MAGED1: variants seen among roughly 807,000 people sequenced by gnomAD.
MAGED1 encodes the protein melanoma-associated antigen D1.
MAGED1 carries 3 observed loss-of-function variants against 54.1 expected under a neutral mutation model. That is an observed-to-expected ratio of 0.06 (90% CI 0.03 to 0.14). The LOEUF is 0.14. Among genes scored for constraint, MAGED1 ranks in the 10% least tolerant of loss-of-function variants. The probability of loss-of-function intolerance (pLI) is 1.00; values close to 1 mark genes in which losing one functional copy is unlikely to be tolerated. For missense variants in MAGED1, 485 were observed against 623.4 expected, an observed-to-expected ratio of 0.78 and a Z score of 2.36; for synonymous variants, 217 against 227.3, an observed-to-expected ratio of 0.95 and a Z score of 0.41.
At chrX:51,895,031 T>A (rs781868631) in intron 2 of MAGED1, 22 bp from the exon 3 acceptor site, 3 of 1,161,545 alleles carry the variant, frequency 2.6e-6, no homozygotes, top group Admixed American at 2.4e-5. Flanking sequence ...GAGATTTAAT[T>A]TTTTCCCCCC....
intron 1 of MAGED1, among the ~76,000 whole-genome samples, chrX:51,830,920 G>C (rs1435328503): frequency 8.9e-6 from 1 of 112,190 alleles, no homozygotes. Context: ...GGAGTGCAGT[G>C]GCACGATCTC....
In MAGED1 at chrX:51,866,999, C is replaced by T. The variant is rs144776998; in HGVS notation, c.-36-27270C>T. ...CTGTGAGGGATCAATAAATAACATT[C>T]ATCTTTCCTGACTAGGTTCAGAACC... On this transcript the variant is annotated intron_variant, in intron 1 of 12. Coordinates refer to the MAGED1 transcript ENST00000375772. 7.5e-3 allele frequency among the ~76,000 whole-genome samples: 840 copies of T among 111,940 alleles called. 9 individuals are homozygous for T. Among genetic ancestry groups the T allele is most frequent in the African/African-American group, 0.025 (771 of 30,819 alleles).
At chrX:51,806,251 C>T (rs112581709) in intron 1 of MAGED1, among the ~76,000 whole-genome samples, 27 of 111,065 alleles carry the variant, frequency 2.4e-4, no homozygotes, top group South Asian at 3.9e-4. Flanking sequence ...GGATTACAGG[C>T]GTGAGCCACC....
chrX:51,839,221 C>A (rs1162905859), intron 1 of MAGED1, among the ~76,000 whole-genome samples: 1 of 111,796 alleles, frequency 8.9e-6, no homozygotes, highest in South Asian at 3.8e-4. Context: ...CTTATACTCT[C>A]AATACTTAAA....
At position 51,901,873 on chromosome X, in the gene MAGED1, A is replaced by T; in HGVS notation, c.2280A>T (p.Thr760=). 5.8e-6 allele frequency: 7 copies of T among 1,210,436 alleles called. No homozygotes were observed. Among genetic ancestry groups the T allele is most frequent in the Non-Finnish European group, 7.8e-6 (7 of 895,017 alleles). ...GTCCCATTATTGGTCCTGGTGGTACAGCCAGTGCCAACTTCGCTGCCAACT... is the reference window on the plus strand; with the variant it reads ...GTCCCATTATTGGTCCTGGTGGTACTGCCAGTGCCAACTTCGCTGCCAACT... ...FAGPIIGPGG[T]ASANFAANFG... Residue 760 remains threonine, a synonymous_variant, in exon 12 of 13, where the codon ACA becomes ACT. Coordinates refer to ENST00000326587, the MANE Select transcript of MAGED1 (RefSeq NM_006986.4).
intron 1 of MAGED1, among the ~76,000 whole-genome samples, chrX:51,852,541 A>T (rs1169781995): frequency 8.9e-6 from 1 of 112,280 alleles, no homozygotes; most frequent in Non-Finnish European, 1.9e-5. Flanking sequence ...CTTTATTTAG[A>T]CAATACTTCC....
chrX:51,900,335 A>G (rs1928960226), intron 11 of MAGED1, 39 bp downstream of exon 11: 1 of 1,086,662 alleles, frequency 9.2e-7, no homozygotes, highest in African/African-American at 1.8e-5. Context: ...AGGTCAAGGG[A>G]TGAAGTATAG....
chrX:51,816,093 C>G (rs1349609894), intron 1 of MAGED1, among the ~76,000 whole-genome samples: 3 of 109,259 alleles, frequency 2.7e-5, no homozygotes, highest in African/African-American at 1.0e-4. Flanking sequence ...GGTAAGTGCC[C>G]AGTACAAGTG....
intron 1 of MAGED1, among the ~76,000 whole-genome samples, chrX:51,809,579 C>A (rs1251016253): frequency 8.9e-5 from 10 of 111,860 alleles, no homozygotes; most frequent in African/African-American, 3.2e-4. Flanking sequence ...GAGCTAGAGG[C>A]TTGATTAGAT....
intron 1 of MAGED1, among the ~76,000 whole-genome samples, chrX:51,852,823 A>C (rs1227376158): frequency 8.9e-6 from 1 of 111,972 alleles, no homozygotes; most frequent in East Asian, 2.8e-4. Flanking sequence ...TAGGCTCTGG[A>C]ATTTCTTAGC....
chrX:51,845,487 G>A (rs868972602), intron 1 of MAGED1, among the ~76,000 whole-genome samples: 1 of 111,131 alleles, frequency 9.0e-6, no homozygotes, highest in Non-Finnish European at 1.9e-5. Context: ...ATTTTGGATG[G>A]GAATGCCTGT....
intron 1 of MAGED1, among the ~76,000 whole-genome samples, chrX:51,816,207 A>G (rs1408400717): frequency 9.2e-6 from 1 of 109,086 alleles, no homozygotes; most frequent in African/African-American, 3.4e-5. Flanking sequence ...TCCTCCTCCC[A>G]GGTTCAAGTG....
intron 1 of MAGED1, among the ~76,000 whole-genome samples, chrX:51,807,666 C>T: frequency 9.0e-6 from 1 of 111,433 alleles, no homozygotes; most frequent in Non-Finnish European, 1.9e-5. Flanking sequence ...AACCCCAAAC[C>T]ACTTATTGAA....
chrX:51,846,071 C>T (rs191311578), intron 1 of MAGED1, among the ~76,000 whole-genome samples: 2 of 111,809 alleles, frequency 1.8e-5, no homozygotes, highest in East Asian at 2.8e-4. Flanking sequence ...CCACCGTGCC[C>T]GGCCCGATGT....
intron 1 of MAGED1, among the ~76,000 whole-genome samples, chrX:51,879,529 G>C (rs182430267): frequency 5.8e-4 from 65 of 111,329 alleles, no homozygotes; most frequent in East Asian, 1.7e-3. Context: ...GATGAAAGCT[G>C]CTAGAATTAT....
intron 1 of MAGED1, among the ~76,000 whole-genome samples, chrX:51,881,900 CCTT>C: frequency 9.0e-6 from 1 of 110,796 alleles, no homozygotes; most frequent in South Asian, 3.9e-4. Flanking sequence ...TCCTACTTGA[CCTT>C]CTTTCTCATT....
chrX:51,899,746 T>C lies in MAGED1; in HGVS notation c.1845-436T>C, dbSNP rs782208616. On this transcript the variant is annotated intron_variant, in intron 10 of 12. Transcript: ENST00000326587. ...TGTGAGCCACCACACCCGGCCAGAA[T>C]TTTTCTAATTTTTCTACTTTTCTAA... 2.2e-5 allele frequency: 3 copies of C among 134,032 alleles called. No homozygotes were observed. The South Asian group carries it at 6.9e-4, about 31-fold the overall frequency. 11.0% of individuals were successfully genotyped at this position (134,032 alleles called of 1,213,427 possible). A position where few individuals can be genotyped will look rare whatever the true frequency, so the allele number is the denominator to read the frequency against.
intron 1 of MAGED1, among the ~76,000 whole-genome samples, chrX:51,850,151 C>G (rs1926832254): frequency 9.0e-6 from 1 of 110,905 alleles, no homozygotes; most frequent in Non-Finnish European, 1.9e-5. Flanking sequence ...AAACTCCTGG[C>G]CTCAAGTGAT....
At chrX:51,806,801 T>C (rs1557355129) in intron 1 of MAGED1, among the ~76,000 whole-genome samples, 1 of 110,246 alleles carries the variant, frequency 9.1e-6, no homozygotes, top group Non-Finnish European at 1.9e-5. Flanking sequence ...TTTTTTTTTT[T>C]TTTTGAGACA....
Sources: gnomAD v4.1 joint callset for allele counts (sites outside exome capture counted in the v4.1 genomes callset) on GRCh38, gnomAD v4.1.1 for gene constraint, MANE v1.5 for transcripts, NCBI Gene and HGNC (gene_info 2026-07-23, HGNC 2026-07-21) for gene names.